The following CRISPLD2 variants were observed in gnomAD, a reference collection of about 807,000 sequenced individuals.
CRISPLD2 encodes cysteine-rich secretory protein LCCL domain-containing 2.
Under a neutral mutation model 71.1 loss-of-function variants are expected in CRISPLD2, and 47 were observed. The observed-to-expected ratio is 0.66, with a 90% CI of 0.52 to 0.84. The LOEUF (loss-of-function observed/expected upper bound fraction) is 0.84. CRISPLD2 is among the 40% of genes least tolerant of loss of function. CRISPLD2 has a pLI of 0.00. For missense variants in CRISPLD2, 830 were observed against 651.1 expected, an observed-to-expected ratio of 1.27 and a Z score of -2.99; for synonymous variants, 317 against 250.1, an observed-to-expected ratio of 1.27 and a Z score of -2.52.
chr16:84,821,702 A>G (rs186397390), intron 1 of CRISPLD2, among the ~76,000 whole-genome samples: 12 of 152,334 alleles, frequency 7.9e-5, no homozygotes, highest in African/African-American at 2.9e-4. Flanking sequence ...GTACCCAGGG[A>G]GGAGAAACCA....
At chr16:84,821,291 G>C (rs891143923) in intron 1 of CRISPLD2, among the ~76,000 whole-genome samples, 6 of 152,182 alleles carry the variant, frequency 3.9e-5, no homozygotes, top group Admixed American at 2.6e-4. Flanking sequence ...CTGTCCCAGG[G>C]CTCCTTGGGT....
chr16:84,840,599 T>A (rs929782258), intron 2 of CRISPLD2, among the ~76,000 whole-genome samples: 8 of 152,320 alleles, frequency 5.3e-5, no homozygotes, highest in African/African-American at 1.9e-4. Context: ...CTCTGGCTCC[T>A]GGGTTCAAGC....
At chr16:84,830,751 C>T (rs1916468431) in intron 1 of CRISPLD2, among the ~76,000 whole-genome samples, 2 of 151,886 alleles carry the variant, frequency 1.3e-5, no homozygotes, top group Admixed American at 1.3e-4. Context: ...GTAATAAATA[C>T]TTAAAACCTA....
intron 1 of CRISPLD2, among the ~76,000 whole-genome samples, chr16:84,822,143 C>T (rs1430582363): frequency 6.6e-6 from 1 of 152,200 alleles, no homozygotes; most frequent in African/African-American, 2.4e-5. Flanking sequence ...AGGGGATCAA[C>T]TGACCCTGGG....
At chr16:84,844,699 G>A (rs1567684134) in intron 2 of CRISPLD2, among the ~76,000 whole-genome samples, 1 of 152,156 alleles carries the variant, frequency 6.6e-6, no homozygotes, top group African/African-American at 2.4e-5. Flanking sequence ...CTGAAATGCG[G>A]CATCCATTCA....
At chr16:84,883,946 C>G (rs1379190014) in intron 13 of CRISPLD2, among the ~76,000 whole-genome samples, 1 of 151,262 alleles carries the variant, frequency 6.6e-6, no homozygotes, top group African/African-American at 2.4e-5. Context: ...TGAGTTCAAG[C>G]AATTCTCCTG....
rs1278289948 is a variant in CRISPLD2 at position 84,838,536 on chromosome 16, T to G, written c.41T>G (p.Leu14Arg). Residue 14 changes from leucine (L) to arginine (R), a missense_variant, in exon 2 of 15, where the codon CTG (leucine) becomes CGG (arginine). Leu to Arg is a moderately radical substitution (Grantham distance 102). Transcript: ENST00000262424. ...GGTGGTGTCATCCCCTTGGGGCTGCTGTTCCTGGTCTGCGGATCCCAAGGC... is the reference window on the plus strand; with the variant it reads ...GGTGGTGTCATCCCCTTGGGGCTGCGGTTCCTGGTCTGCGGATCCCAAGGC... ...VLGGVIPLGL[L>R]FLVCGSQGYL... 1.2e-6 allele frequency: 2 copies of G among 1,614,218 alleles called. No individual in the cohort carries two copies. Among genetic ancestry groups the G allele is most frequent in the Non-Finnish European group, 1.7e-6 (2 of 1,180,028 alleles).
chr16:84,854,688 T>G, intron 5 of CRISPLD2, 41 bp from the exon 6 acceptor site: 1 of 1,485,818 alleles, frequency 6.7e-7, no homozygotes, highest in Non-Finnish European at 9.4e-7. Context: ...AGGCCTCACG[T>G]CGTGGTTCCC....
chr16:84,824,961 G>A (rs941778303), intron 1 of CRISPLD2, among the ~76,000 whole-genome samples: 5 of 151,926 alleles, frequency 3.3e-5, no homozygotes, highest in South Asian at 2.1e-4. Flanking sequence ...AAAATTAGCC[G>A]GGCGTGGTGG....
chr16:84,896,099 C>G (rs192358466), intron 14 of CRISPLD2, among the ~76,000 whole-genome samples: 1 of 149,156 alleles, frequency 6.7e-6, no homozygotes, highest in South Asian at 2.1e-4. Flanking sequence ...GATGCAGTGG[C>G]GCGATCTCCA....
In CRISPLD2 at chr16:84,908,680, CT is replaced by C. The variant is rs202056163; in HGVS notation, c.*2061del. Reference sequence around the variant, plus strand: ...CTTGCCCAGAGCAGGACCTGGCTGTCTTTTTTTTTTTTTTTTTTTTTTTCCC... The same window carrying C: ...CTTGCCCAGAGCAGGACCTGGCTGTCTTTTTTTTTTTTTTTTTTTTTTCCC... On this transcript the variant is annotated 3_prime_UTR_variant, in exon 15 of 15. Transcript: ENST00000262424. 22,658 of 116,582 alleles carry C rather than the reference CT, an allele frequency of 0.19. 1,986 individuals carry two copies. Among genetic ancestry groups the C allele is most frequent in the South Asian group, 0.26 (826 of 3,196 alleles). The allele number at this position is 116,582 out of a possible 1,614,324, so 7.2% of individuals were successfully genotyped here. A position where few individuals can be genotyped will look rare whatever the true frequency, so the allele number is the denominator to read the frequency against.
At chr16:84,896,194 C>T (rs2071704716) in intron 14 of CRISPLD2, among the ~76,000 whole-genome samples, 1 of 151,974 alleles carries the variant, frequency 6.6e-6, no homozygotes, top group African/African-American at 2.4e-5. Flanking sequence ...CCCGCCACCA[C>T]ACCTGGCTAA....
At chr16:84,851,874 A>C (rs1255964640) in intron 5 of CRISPLD2, among the ~76,000 whole-genome samples, 2 of 152,222 alleles carry the variant, frequency 1.3e-5, no homozygotes, top group African/African-American at 4.8e-5. Context: ...CATATGGTAA[A>C]ATATACTCAT....
chr16:84,848,729 C>G (rs1034624184), intron 3 of CRISPLD2, among the ~76,000 whole-genome samples: 3 of 152,208 alleles, frequency 2.0e-5, no homozygotes, highest in Non-Finnish European at 4.4e-5. Context: ...GCATGAGCCA[C>G]CATGTTCGGC....
intron 4 of CRISPLD2, among the ~76,000 whole-genome samples, chr16:84,849,891 TA>T (rs1415451497): frequency 0.038 from 3,864 of 100,654 alleles, 165 homozygotes; most frequent in African/African-American, 0.1. Flanking sequence ...CTAATTTTTG[TA>T]TTTTTTTTTT....
rs140940885 is a variant in CRISPLD2 at position 84,861,151 on chromosome 16, A to G, written c.710-5746A>G. On this transcript the variant is annotated intron_variant, in intron 6 of 14. Coordinates refer to ENST00000262424, the MANE Select transcript of CRISPLD2 (RefSeq NM_031476.4). The stretch of plus-strand genomic sequence containing the variant: ...GCCAAGGACTCCCAGTGTTCTCCAT[A>G]CTATTAGAAGTAGAGTCCTTAGCAT... 1.1e-4 allele frequency among the ~76,000 whole-genome samples: 17 copies of G among 152,276 alleles called. No individual in the cohort carries two copies. In the South Asian group the frequency reaches 3.5e-3, roughly 32 times the overall value.
intron 12 of CRISPLD2, among the ~76,000 whole-genome samples, chr16:84,878,223 C>G (rs891949763): frequency 6.6e-6 from 1 of 151,312 alleles, no homozygotes; most frequent in Non-Finnish European, 1.5e-5. Flanking sequence ...GACTCCGTCT[C>G]AAAAAAAGAA....
intron 5 of CRISPLD2, among the ~76,000 whole-genome samples, chr16:84,852,949 C>G (rs982151015): frequency 6.6e-6 from 1 of 152,114 alleles, no homozygotes; most frequent in Admixed American, 6.5e-5. Context: ...TGCCTGTATT[C>G]CCAGTTACTT....
At chr16:84,892,713 C>T (rs1448349395) in intron 14 of CRISPLD2, among the ~76,000 whole-genome samples, 1 of 152,142 alleles carries the variant, frequency 6.6e-6, no homozygotes, top group South Asian at 2.1e-4. Flanking sequence ...TGGTGGCTCA[C>T]ACCTGTAATC....
Sources: gnomAD v4.1 joint callset for allele counts (sites outside exome capture counted in the v4.1 genomes callset) on GRCh38, gnomAD v4.1.1 for gene constraint, MANE v1.5 for transcripts, NCBI Gene and HGNC (gene_info 2026-07-23, HGNC 2026-07-21) for gene names.